The following DCAF7 variants were observed in gnomAD, a reference collection of about 807,000 sequenced individuals.
DCAF7 encodes DDB1- and CUL4-associated factor 7.
DCAF7 carries 4 observed loss-of-function variants against 41.2 expected under a neutral mutation model. The ratio of observed to expected loss-of-function variants is 0.10; its 90% CI spans 0.05 to 0.22. DCAF7 has a LOEUF of 0.22. Ranked by LOEUF, DCAF7 falls within the 10% of genes least tolerant of loss-of-function variation. DCAF7 has a pLI of 1.00. For synonymous variants in DCAF7, 143 were observed against 164.2 expected (o/e 0.87, Z 0.99); for missense variants, 131 against 443.2 (o/e 0.30, Z 6.32).
In DCAF7 at chr17:63,550,558, G is replaced by A. The variant is rs943818336; in HGVS notation, c.-120G>A. 1.4e-6 allele frequency: 2 copies of A among 1,469,182 alleles called. No individual in the cohort carries two copies. The highest frequency in any genetic ancestry group is 2.3e-5 in the East Asian group (1 of 42,786). The allele number at this position is 1,469,182 out of a possible 1,614,324, so 91.0% of individuals were successfully genotyped here. A position where few individuals can be genotyped will look rare whatever the true frequency, so the allele number is the denominator to read the frequency against. On this transcript the variant is annotated 5_prime_UTR_variant, in exon 1 of 7. Transcript: ENST00000614556. This position sits in a 1 kb window ranked among gnomAD's most constrained non-coding sequence, Gnocchi z 4.8. ...TTTGTCGCCGCATCCCCGCTTCCGG[G>A]TTAGGCCGTTCCTGCCCGCCCCCTC...
chr17:63,586,599 A>G (rs2033679625), intron 6 of DCAF7, among the ~76,000 whole-genome samples: 1 of 152,182 alleles, frequency 6.6e-6, no homozygotes, highest in East Asian at 1.9e-4. Flanking sequence ...CCCTGTCTCT[A>G]CTAAATACAA....
In DCAF7 at chr17:63,569,336, CTTTCTTATAGG is replaced by C. The variant is rs939152146; in HGVS notation, c.139-9133_139-9123del. Among the ~76,000 whole-genome samples, 79 of 148,648 alleles carry C rather than the reference CTTTCTTATAGG, an allele frequency of 5.3e-4. No individual in the cohort carries two copies. The Middle Eastern group carries it at 0.01, about 20-fold the overall frequency. ...TTTTTGGCTTTAACCTACCAGTCCT[CTTTCTTATAGG>C]GTGTGTTGGAATAACCTATGGAGCT... On this transcript the variant is annotated intron_variant, in intron 1 of 6. Transcript: ENST00000614556.
rs1333344740 is a variant in DCAF7 at position 63,583,613 on chromosome 17, A to G, written c.640A>G (p.Ile214Val). 1 of 1,612,922 alleles carries G rather than the reference A, an allele frequency of 6.2e-7. No homozygotes were observed. The highest frequency in any genetic ancestry group is 8.5e-7 in the Non-Finnish European group (1 of 1,179,022). The part of the protein sequence containing the change: ...FDLRHLEHST[I>V]IYEDPQHHPL... Reference sequence around the variant, plus strand: ...CCTCCGCCATCTAGAACACAGCACCATCATTTACGAAGACCCACAGCATCA... The same window carrying G: ...CCTCCGCCATCTAGAACACAGCACCGTCATTTACGAAGACCCACAGCATCA... The change falls in exon 5 of 7, where the codon ATC (isoleucine) becomes GTC (valine). Residue 214 changes from isoleucine (I) to valine (V), a missense_variant. By Grantham distance (29) the Ile-to-Val change is conservative. Coordinates refer to ENST00000614556, the MANE Select transcript of DCAF7 (RefSeq NM_005828.5).
chr17:63,565,403 C>T (rs1361262578), intron 1 of DCAF7, among the ~76,000 whole-genome samples: 3 of 151,836 alleles, frequency 2.0e-5, no homozygotes, highest in Admixed American at 2.0e-4. Context: ...GGAGAAACCC[C>T]GTCTCTACTA....
chr17:63,589,616 C>T lies in DCAF7; in HGVS notation c.*444C>T, dbSNP rs1248861003. 4.8e-6 allele frequency: 1 copy of T among 207,676 alleles called. No homozygotes were observed. Among genetic ancestry groups the T allele is most frequent in the Non-Finnish European group, 1.0e-5 (1 of 99,564 alleles). 12.9% of individuals were successfully genotyped at this position (207,676 alleles called of 1,614,324 possible). A position where few individuals can be genotyped will look rare whatever the true frequency, so the allele number is the denominator to read the frequency against. On this transcript the variant is annotated 3_prime_UTR_variant, in exon 7 of 7. Transcript: ENST00000614556. ...GAACAAATACCAATTTGTCTTTTCT[C>T]CTAGTATCAGTGTGTTTAACAAATT... is the stretch of plus-strand genomic sequence containing the variant.
Position 63,578,532 on chromosome 17 carries a change from C to G in DCAF7, c.201C>G (p.His67Gln), listed in dbSNP as rs754408924. 6.2e-7 allele frequency: 1 copy of G among 1,614,024 alleles called. No homozygotes were observed. The part of the protein sequence containing the change: ...SEFICRNTFD[H>Q]PYPTTKLMWI... ...TTATTTGCAGAAACACCTTTGACCACCCATACCCCACCACAAAGCTCATGT... is the reference window on the plus strand; with the variant it reads ...TTATTTGCAGAAACACCTTTGACCAGCCATACCCCACCACAAAGCTCATGT... Residue 67 changes from histidine to glutamine, a missense_variant, in exon 2 of 7, where the codon CAC (histidine) becomes CAG (glutamine). Transcript: ENST00000614556.
chr17:63,559,338 C>T (rs776220701), intron 1 of DCAF7, among the ~76,000 whole-genome samples: 435 of 21,522 alleles, frequency 0.02, 7 homozygotes, highest in African/African-American at 0.15. Context: ...TATATACATA[C>T]ATATATATAC....
intron 1 of DCAF7, among the ~76,000 whole-genome samples, chr17:63,555,563 G>T (rs570650158): frequency 5.3e-5 from 8 of 152,020 alleles, no homozygotes; most frequent in Non-Finnish European, 1.0e-4. Context: ...TAATTTAGCC[G>T]GTCTGTATTG....
chr17:63,588,815 G>C (rs952830458), intron 6 of DCAF7, among the ~76,000 whole-genome samples, 185 bp from the exon 7 acceptor site: 1 of 152,188 alleles, frequency 6.6e-6, no homozygotes, highest in African/African-American at 2.4e-5. Flanking sequence ...CTGAATAGCT[G>C]TGTGATTTGG....
In DCAF7 at chr17:63,586,142, A is replaced by C. The variant is rs867993567; in HGVS notation, c.856+814A>C. On this transcript the variant is annotated intron_variant, in intron 6 of 6. Transcript: ENST00000614556. ...TCTGTCTCCAAAAAAAAAAAAAAAAAAAAAAAAGTACCCCTTAAAAATATG... is the reference window on the plus strand; with the variant it reads ...TCTGTCTCCAAAAAAAAAAAAAAAACAAAAAAAGTACCCCTTAAAAATATG... 7.6e-3 allele frequency among the ~76,000 whole-genome samples: 1,138 copies of C among 149,308 alleles called. 18 individuals carry two copies. The highest frequency in any genetic ancestry group is 0.027 in the Middle Eastern group (8 of 292).
chr17:63,577,540 T>TCA (rs2033575644), intron 1 of DCAF7, among the ~76,000 whole-genome samples: 1 of 152,158 alleles, frequency 6.6e-6, no homozygotes, highest in African/African-American at 2.4e-5. Context: ...GAAAAAGTGA[T>TCA]CAGAGCTAGG....
intron 4 of DCAF7, among the ~76,000 whole-genome samples, chr17:63,583,242 G>A (rs367627755): frequency 3.3e-5 from 5 of 152,164 alleles, no homozygotes; most frequent in Non-Finnish European, 5.9e-5. Flanking sequence ...GTTTTATCAC[G>A]GGTTGGAGGA....
At chr17:63,558,021 G>A (rs181372014) in intron 1 of DCAF7, among the ~76,000 whole-genome samples, 6 of 152,062 alleles carry the variant, frequency 3.9e-5, no homozygotes, top group East Asian at 3.9e-4. Flanking sequence ...TCTGCCTCCC[G>A]AGTAGCTGAG....
At chr17:63,568,206 A>T (rs1366508721) in intron 1 of DCAF7, among the ~76,000 whole-genome samples, 1 of 151,732 alleles carries the variant, frequency 6.6e-6, no homozygotes, top group Non-Finnish European at 1.5e-5. Context: ...TTTTTAGTAG[A>T]GCCAGGCTGG....
chr17:63,585,616 C>T (rs949230255), intron 6 of DCAF7, among the ~76,000 whole-genome samples: 6 of 152,172 alleles, frequency 3.9e-5, no homozygotes, highest in Admixed American at 6.5e-5. Context: ...ACAGAGGACT[C>T]AATTCCAGGA....
At chr17:63,564,696 G>A (rs997796389) in intron 1 of DCAF7, among the ~76,000 whole-genome samples, 2 of 152,180 alleles carry the variant, frequency 1.3e-5, no homozygotes, top group Non-Finnish European at 2.9e-5. Context: ...AGCAGGATAA[G>A]CCAGAGCCAG....
At chr17:63,555,874 G>A (rs1042388779) in intron 1 of DCAF7, among the ~76,000 whole-genome samples, 13 of 152,226 alleles carry the variant, frequency 8.5e-5, no homozygotes, top group African/African-American at 3.1e-4. Flanking sequence ...AACAAGGAGT[G>A]AATCTATGCT....
chr17:63,584,466 T>TAAAAAAAAA (rs1568105490), intron 5 of DCAF7, among the ~76,000 whole-genome samples: 1 of 139,800 alleles, frequency 7.2e-6, no homozygotes, highest in African/African-American at 2.8e-5. Flanking sequence ...AGACTCCATC[T>TAAAAAAAAA]GAAAAAAAAA....
chr17:63,579,467 A>G lies in DCAF7; in HGVS notation c.409+19A>G, dbSNP rs2033596024. 1.9e-6 allele frequency: 3 copies of G among 1,560,212 alleles called. No homozygotes were observed. The highest frequency in any genetic ancestry group is 1.2e-5 in the South Asian group (1 of 85,664). On this transcript the variant is annotated intron_variant, in intron 3 of 6. Coordinates refer to ENST00000614556, the MANE Select transcript of DCAF7 (RefSeq NM_005828.5). ...CTTTTAGGTAAGGGAGTTAGGGAGT[A>G]TGTATTTCAGCTGGAAGAAGCCAAA... is the stretch of plus-strand genomic sequence containing the variant.
Sources: allele counts gnomAD v4.1 joint callset (sites outside exome capture counted in the v4.1 genomes callset), GRCh38; gene constraint gnomAD v4.1.1; non-coding constraint Gnocchi (gnomAD v3.1); transcripts MANE v1.5; gene names NCBI Gene and HGNC (gene_info 2026-07-23, HGNC 2026-07-21).